Variants in ESRRG observed in about 807,000 individuals in gnomAD.
ESRRG encodes the protein estrogen related receptor gamma.
Under a neutral mutation model 44.0 loss-of-function variants are expected in ESRRG, and 13 were observed. The observed-to-expected ratio is 0.30, with a 90% CI of 0.19 to 0.47. The LOEUF is 0.47. Among genes scored for constraint, ESRRG ranks in the 20% least tolerant of loss-of-function variants. The probability of loss-of-function intolerance (pLI) is 1.00; values close to 1 mark genes in which losing one functional copy is unlikely to be tolerated. For synonymous variants in ESRRG, 215 were observed against 214.6 expected (o/e 1.00, Z -0.02); for missense variants, 395 against 580.6 (o/e 0.68, Z 3.29).
intron 2 of ESRRG, among the ~76,000 whole-genome samples, chr1:216,921,272 C>T (rs929670739): frequency 1.3e-5 from 2 of 152,026 alleles, no homozygotes; most frequent in African/African-American, 2.4e-5. Flanking sequence ...GCCTCTTAGT[C>T]GCATGGTGAC....
At chr1:217,051,204 CGGG>C (rs1164233806) in intron 1 of ESRRG, among the ~76,000 whole-genome samples, 1 of 33,590 alleles carries the variant, frequency 3.0e-5, no homozygotes. Context: ...ATAATGGGGG[CGGG>C]GGGGGGGGGT....
chr1:216,930,423 A>G (rs924238942), intron 2 of ESRRG, among the ~76,000 whole-genome samples: 24 of 152,232 alleles, frequency 1.6e-4, no homozygotes, highest in African/African-American at 5.8e-4. Flanking sequence ...TCTCTCCTCA[A>G]GCTTCAACCC....
At chr1:216,902,832 A>C (rs1434951229) in intron 2 of ESRRG, among the ~76,000 whole-genome samples, 1 of 152,190 alleles carries the variant, frequency 6.6e-6, no homozygotes, top group Non-Finnish European at 1.5e-5. Flanking sequence ...ATAGCATTGG[A>C]TCTGCCAGCC....
intron 1 of ESRRG, among the ~76,000 whole-genome samples, chr1:217,067,028 G>C (rs991027917): frequency 1.3e-5 from 2 of 152,226 alleles, no homozygotes; most frequent in African/African-American, 4.8e-5. Flanking sequence ...ACAGTGAGAT[G>C]CTTGGCACTA....
chr1:216,694,420 T>C (rs565205505), intron 1 of ESRRG, among the ~76,000 whole-genome samples: 94 of 152,190 alleles, frequency 6.2e-4, no homozygotes, highest in South Asian at 1.5e-3. Flanking sequence ...TGCAGAAGAT[T>C]TGAAATATCA....
intron 2 of ESRRG, among the ~76,000 whole-genome samples, chr1:216,824,757 T>C (rs1398078451): frequency 1.3e-5 from 2 of 152,232 alleles, no homozygotes; most frequent in Non-Finnish European, 2.9e-5. Context: ...TCACAAGAAA[T>C]GCTGCAAGGC....
At chr1:217,005,381 G>A (rs2077595734) in intron 1 of ESRRG, among the ~76,000 whole-genome samples, 1 of 152,060 alleles carries the variant, frequency 6.6e-6, no homozygotes, top group Non-Finnish European at 1.5e-5. Context: ...TCTCCACTGC[G>A]CTAAAATGAT....
chr1:216,519,515 C>G, intron 5 of ESRRG, 94 bp from the exon 6 acceptor site: 1 of 1,218,206 alleles, frequency 8.2e-7, no homozygotes, highest in Non-Finnish European at 1.1e-6. Flanking sequence ...TGCATCAGTG[C>G]TCAAAATTAT....
intron 2 of ESRRG, among the ~76,000 whole-genome samples, chr1:216,850,657 T>G (rs2095828128): frequency 6.6e-6 from 1 of 152,064 alleles, no homozygotes; most frequent in African/African-American, 2.4e-5. Context: ...TATGCAAAAT[T>G]AAAGGTAGCA....
chr1:216,898,355 C>A (rs1363205743), intron 2 of ESRRG, among the ~76,000 whole-genome samples: 1 of 152,132 alleles, frequency 6.6e-6, no homozygotes, highest in Non-Finnish European at 1.5e-5. Flanking sequence ...CGGTGGCTCA[C>A]GCCTGTAATC....
intron 2 of ESRRG, among the ~76,000 whole-genome samples, chr1:216,781,298 T>A (rs184254285): frequency 2.0e-4 from 31 of 151,962 alleles, no homozygotes; most frequent in Non-Finnish European, 3.4e-4. Context: ...AAAAATCGCT[T>A]GCCTCAATCT....
chr1:216,729,282 C>A (rs2088217192), intron 2 of ESRRG, among the ~76,000 whole-genome samples: 1 of 152,208 alleles, frequency 6.6e-6, no homozygotes, highest in Admixed American at 6.5e-5. Flanking sequence ...GAAGCACCTT[C>A]TTACACCCTC....
chr1:216,516,668 C>CACACACACACACACAGAGAG (rs376701865), intron 6 of ESRRG, among the ~76,000 whole-genome samples: 27 of 137,246 alleles, frequency 2.0e-4, no homozygotes, highest in African/African-American at 6.5e-4. Context: ...CACACACACA[C>CACACACACACACACAGAGAG]AGAGAGAGAG....
At chr1:216,906,010 C>A (rs949268992) in intron 2 of ESRRG, among the ~76,000 whole-genome samples, 5 of 152,214 alleles carry the variant, frequency 3.3e-5, no homozygotes, top group African/African-American at 1.2e-4. Context: ...CTTGGCCTCA[C>A]AAAGTGCTGG....
At chr1:216,603,334 A>G (rs1208431599) in intron 3 of ESRRG, among the ~76,000 whole-genome samples, 1 of 152,232 alleles carries the variant, frequency 6.6e-6, no homozygotes, top group African/African-American at 2.4e-5. Context: ...AAAGACTGAT[A>G]CAATCTGTGA....
At chr1:216,804,605 G>A (rs1037708574) in intron 2 of ESRRG, among the ~76,000 whole-genome samples, 1 of 151,728 alleles carries the variant, frequency 6.6e-6, no homozygotes, top group East Asian at 1.9e-4. Context: ...ACTTGTAGGA[G>A]CAATCATTTA....
At chr1:216,654,591 TGCAC>T (rs1387218068) in intron 2 of ESRRG, among the ~76,000 whole-genome samples, 4 of 149,706 alleles carry the variant, frequency 2.7e-5, no homozygotes, top group South Asian at 2.1e-4. Context: ...ATCGTGCCAT[TGCAC>T]TCCAGCCTGG....
chr1:216,599,447 T>C (rs1321498722), intron 3 of ESRRG, among the ~76,000 whole-genome samples: 1 of 152,148 alleles, frequency 6.6e-6, no homozygotes, highest in Non-Finnish European at 1.5e-5. Context: ...ATTTTGAAAA[T>C]GAATTATTCC....
chr1:217,122,624 G>A (rs944619958), intron 1 of ESRRG, among the ~76,000 whole-genome samples: 5 of 148,982 alleles, frequency 3.4e-5, no homozygotes, highest in Non-Finnish European at 7.4e-5. Flanking sequence ...CATTTACAAC[G>A]ACTTTCCTTC....
Sources: gnomAD v4.1 joint callset for allele counts (sites outside exome capture counted in the v4.1 genomes callset) on GRCh38, gnomAD v4.1.1 for gene constraint, MANE v1.5 for transcripts, NCBI Gene and HGNC (gene_info 2026-07-23, HGNC 2026-07-21) for gene names.